PLAAT3: variants seen among roughly 807,000 people sequenced by gnomAD.
PLAAT3 encodes the protein phospholipase A and acyltransferase 3, also known as Ca-independent phospholipase A1/2.
A neutral mutation model predicts 16.7 loss-of-function variants in PLAAT3; 21 were observed. The ratio of observed to expected loss-of-function variants is 1.26; its 90% confidence interval spans 0.89 to 1.81. The LOEUF (loss-of-function observed/expected upper bound fraction) is 1.81. Ranked by LOEUF, PLAAT3 falls within the 40% of genes most tolerant of loss-of-function variation. The pLI is 0.00. For synonymous variants in PLAAT3, 76 were observed against 81.7 expected (o/e 0.93, Z 0.38); for missense variants, 219 against 213.7 (o/e 1.02, Z -0.16).
intron 2 of PLAAT3, among the ~76,000 whole-genome samples, chr11:63,603,272 T>C (rs1208372688): frequency 6.6e-6 from 1 of 151,920 alleles, no homozygotes; most frequent in Non-Finnish European, 1.5e-5. Flanking sequence ...GAGAACTGCC[T>C]CCTCCATGGC....
At chr11:63,592,936 G>GT (rs1938189148) in intron 3 of PLAAT3, among the ~76,000 whole-genome samples, 1 of 152,188 alleles carries the variant, frequency 6.6e-6, no homozygotes, top group African/African-American at 2.4e-5. Context: ...TGAAACTCAA[G>GT]TGAGATGCAG....
intron 2 of PLAAT3, among the ~76,000 whole-genome samples, chr11:63,613,789 C>G (rs1006541359): frequency 5.3e-5 from 8 of 152,278 alleles, no homozygotes; most frequent in Non-Finnish European, 1.2e-4. Context: ...AGGGCGCCCC[C>G]ACACCGGCCC....
rs12290891 is a variant in PLAAT3 at position 63,606,462 on chromosome 11, A to C, written c.15+7538T>G. Among the ~76,000 whole-genome samples, 104 of 136,562 alleles carry C rather than the reference A, an allele frequency of 7.6e-4. 1 individual carries two copies. Among genetic ancestry groups the C allele is most frequent in the African/African-American group, 3.0e-3 (97 of 32,756 alleles). The allele number at this position is 136,562 out of a possible 152,430, so 89.6% of individuals were successfully genotyped here. On this transcript the variant is annotated intron_variant, in intron 2 of 4. Coordinates refer to ENST00000415826, the MANE Select transcript of PLAAT3 (RefSeq NM_001128203.2). ...CACACACACACACACACACACACAC[A>C]CCTTAGTAAATAAGTAAATAATCTA...
At chr11:63,596,138 G>A (rs1333185709) in intron 3 of PLAAT3, among the ~76,000 whole-genome samples, 1 of 148,924 alleles carries the variant, frequency 6.7e-6, no homozygotes, top group Non-Finnish European at 1.5e-5. Context: ...CTACTCAGGA[G>A]CCTGAGGCAG....
intron 4 of PLAAT3, among the ~76,000 whole-genome samples, chr11:63,582,229 A>G (rs1937838050): frequency 6.6e-6 from 1 of 152,184 alleles, no homozygotes; most frequent in South Asian, 2.1e-4. Flanking sequence ...CCTAAATAAG[A>G]GAAAGAGCAA....
At chr11:63,582,181 G>A (rs1416154820) in intron 4 of PLAAT3, among the ~76,000 whole-genome samples, 3 of 152,176 alleles carry the variant, frequency 2.0e-5, no homozygotes, top group East Asian at 3.8e-4. Context: ...ATTGTACTGT[G>A]TTTCTAACCT....
chr11:63,597,479 T>C (rs1351318826), intron 3 of PLAAT3, among the ~76,000 whole-genome samples: 2 of 152,132 alleles, frequency 1.3e-5, no homozygotes, highest in African/African-American at 4.8e-5. Flanking sequence ...TAAGCCGAGA[T>C]TGCGCCACTG....
At chr11:63,594,516 CT>C (rs1801705344) in intron 3 of PLAAT3, among the ~76,000 whole-genome samples, 1 of 151,934 alleles carries the variant, frequency 6.6e-6, no homozygotes, top group African/African-American at 2.4e-5. Flanking sequence ...TGGCTTTAAG[CT>C]TTGGCAAGAT....
upstream of PLAAT3, among the ~76,000 whole-genome samples, chr11:63,615,172 G>GTA (rs1407082578): frequency 3.1e-3 from 57 of 18,302 alleles, 2 homozygotes; most frequent in African/African-American, 6.9e-3. Context: ...ATATATGTGT[G>GTA]TATATGTGTG....
chr11:63,576,415 G>A (rs1032891291), intron 4 of PLAAT3, among the ~76,000 whole-genome samples: 5 of 152,218 alleles, frequency 3.3e-5, no homozygotes, highest in African/African-American at 1.2e-4. Flanking sequence ...CTTGAGGCCA[G>A]GAGTTCCAGA....
chr11:63,590,218 C>T lies in PLAAT3; in HGVS notation c.269G>A (p.Ser90Asn), dbSNP rs768144150. Residue 90 changes from serine to asparagine, a missense_variant, in exon 4 of 5, where the codon AGC becomes AAC. Transcript: ENST00000415826. ...CTCCTCCGCCCGCTGGATGATTTTG[C>T]TGCAGGGCAGCGGCGAGTACTTGTC... Reference protein sequence around the residue: ...HDDKYSPLPCSKIIQRAEELV... With the variant: ...HDDKYSPLPCNKIIQRAEELV... The T allele has an allele frequency of 1.9e-6, 3 of 1,614,138 alleles. No homozygotes were observed. In the Admixed American group the frequency reaches 5.0e-5, roughly 27 times the overall value.
At chr11:63,580,132 C>T (rs1053387368) in intron 4 of PLAAT3, among the ~76,000 whole-genome samples, 1 of 152,100 alleles carries the variant, frequency 6.6e-6, no homozygotes, top group African/African-American at 2.4e-5. Context: ...GAAAATGGGC[C>T]TTCTACTACT....
At chr11:63,587,725 TC>T (rs1938021713) in intron 4 of PLAAT3, among the ~76,000 whole-genome samples, 1 of 152,190 alleles carries the variant, frequency 6.6e-6, no homozygotes, top group Admixed American at 6.5e-5. Context: ...TGCCTAGGGA[TC>T]TTTTTAAAAT....
chr11:63,615,912 C>T (rs1484641350), upstream of PLAAT3, among the ~76,000 whole-genome samples: 1 of 152,202 alleles, frequency 6.6e-6, no homozygotes, highest in Non-Finnish European at 1.5e-5. Flanking sequence ...AAATGACCCA[C>T]CTGCCTCAGC....
rs553932850 is a variant in PLAAT3, at chr11:63,606,311, C to A, written c.15+7689G>T. ...TTAAAAAAATACCTTAGTAGGCCGG[C>A]GCGGTGGCTCACGCCTGTAATCCCA... is the stretch of plus-strand genomic sequence containing the variant. On this transcript the variant is annotated intron_variant, in intron 2 of 4. Coordinates refer to ENST00000415826, the MANE Select transcript of PLAAT3 (RefSeq NM_001128203.2). 7.9e-5 allele frequency among the ~76,000 whole-genome samples: 12 copies of A among 152,178 alleles called. No individual in the cohort carries two copies. The South Asian group carries it at 2.5e-3, about 32-fold the overall frequency.
At chr11:63,615,581 T>C (rs1446015985), upstream of PLAAT3, among the ~76,000 whole-genome samples, 1 of 152,004 alleles carries the variant, frequency 6.6e-6, no homozygotes, top group Non-Finnish European at 1.5e-5. Context: ...AAAAGCAACA[T>C]CCTTATCCTC....
At chr11:63,599,581 C>A (rs1377026791) in intron 2 of PLAAT3, among the ~76,000 whole-genome samples, 1 of 152,154 alleles carries the variant, frequency 6.6e-6, no homozygotes, top group African/African-American at 2.4e-5. Context: ...GGGAATTTTA[C>A]AGATAAATCA....
chr11:63,613,103 T>A (rs1005686073), intron 2 of PLAAT3, among the ~76,000 whole-genome samples: 1 of 152,056 alleles, frequency 6.6e-6, no homozygotes, highest in Non-Finnish European at 1.5e-5. Flanking sequence ...ACTTTCTGAG[T>A]ATTAAGTGAT....
intron 4 of PLAAT3, among the ~76,000 whole-genome samples, chr11:63,583,923 T>G (rs1234888477): frequency 6.6e-6 from 1 of 152,142 alleles, no homozygotes; most frequent in Non-Finnish European, 1.5e-5. Context: ...AAAAAGAAAG[T>G]GCTAATGTGC....
Sources: allele counts gnomAD v4.1 joint callset (sites outside exome capture counted in the v4.1 genomes callset), GRCh38; gene constraint gnomAD v4.1.1; transcripts MANE v1.5; gene names NCBI Gene and HGNC (gene_info 2026-07-23, HGNC 2026-07-21).